The following COL28A1 variants were observed in gnomAD, a reference collection of about 807,000 sequenced individuals.
The protein encoded by COL28A1 is collagen alpha-1(XXVIII) chain.
In COL28A1, 161 loss-of-function variants were observed where a neutral mutation model predicts 150.2. The ratio of observed to expected loss-of-function variants is 1.07; its 90% confidence interval spans 0.94 to 1.22. COL28A1 has a LOEUF of 1.22. Ranked by LOEUF, COL28A1 falls within the 50% of genes most tolerant of loss-of-function variation. The pLI, the probability that COL28A1 is intolerant of heterozygous loss-of-function variation, is 0.00. For missense variants in COL28A1, 1,617 were observed against 1,388.3 expected (o/e 1.16, Z -2.62); for synonymous variants, 552 against 469.7 (o/e 1.18, Z -2.26).
intron 25 of COL28A1, among the ~76,000 whole-genome samples, chr7:7,420,851 G>A (rs1486971611): frequency 6.7e-6 from 1 of 149,622 alleles, no homozygotes; most frequent in Non-Finnish European, 1.5e-5. Context: ...AGTCTGCACA[G>A]CTATTAAGGT....
chr7:7,509,713 G>C (rs1781018690), intron 9 of COL28A1, among the ~76,000 whole-genome samples: 1 of 152,022 alleles, frequency 6.6e-6, no homozygotes, highest in Admixed American at 6.6e-5. Context: ...CTTAGTCAAT[G>C]AAATATGATA....
At chr7:7,481,685 C>T (rs17168154) in intron 13 of COL28A1, among the ~76,000 whole-genome samples, 5,800 of 152,188 alleles carry the variant, frequency 0.038, 402 homozygotes, top group African/African-American at 0.13. Context: ...AGATGAAATA[C>T]GATTGTCCAT....
At chr7:7,366,669 T>G (rs1290126315) in intron 33 of COL28A1, among the ~76,000 whole-genome samples, 1 of 151,930 alleles carries the variant, frequency 6.6e-6, no homozygotes, top group Non-Finnish European at 1.5e-5. Context: ...TAAGAACATA[T>G]TTTGGTAGAA....
intron 13 of COL28A1, among the ~76,000 whole-genome samples, chr7:7,482,566 A>G (rs1259759108): frequency 6.6e-6 from 1 of 151,428 alleles, no homozygotes; most frequent in Non-Finnish European, 1.5e-5. Context: ...ATTTTTTTAT[A>G]ATGACATTTT....
intron 27 of COL28A1, among the ~76,000 whole-genome samples, chr7:7,404,446 A>G (rs1783388271): frequency 6.6e-6 from 1 of 151,928 alleles, no homozygotes; most frequent in Admixed American, 6.6e-5. Context: ...GCCCACCCCA[A>G]ATTCACTGCT....
rs113646463 is a variant in COL28A1, at chr7:7,451,867, T to G, written c.1509+452A>C. ...CTTCTTAGACCTACATCTTATATAT[T>G]CTTCTAATACTCAAATGCTCGTAAG... On this transcript the variant is annotated intron_variant, in intron 18 of 34. Transcript: ENST00000399429. 2.8e-3 allele frequency among the ~76,000 whole-genome samples: 429 copies of G among 152,278 alleles called. 1 individual carries two copies. Among genetic ancestry groups the G allele is most frequent in the African/African-American group, 9.8e-3 (408 of 41,566 alleles).
At chr7:7,349,987 AAT>A in the COL28A1 span, among the ~76,000 whole-genome samples, 8 of 152,172 alleles carry the variant, frequency 5.3e-5, no homozygotes, top group Non-Finnish European at 7.3e-5. Context: ...ATAACCTGGA[AAT>A]ATAAGTGACA....
chr7:7,379,652 G>A (rs1381835068), intron 30 of COL28A1, among the ~76,000 whole-genome samples: 1 of 152,168 alleles, frequency 6.6e-6, no homozygotes, highest in Non-Finnish European at 1.5e-5. Context: ...ATAAAGGTTG[G>A]TGAAATGAAT....
intron 27 of COL28A1, among the ~76,000 whole-genome samples, chr7:7,417,043 G>A (rs1032846607): frequency 2.0e-5 from 3 of 151,902 alleles, no homozygotes; most frequent in South Asian, 2.1e-4. Flanking sequence ...AGCTTATGAC[G>A]GGGGCAGCAG....
intron 26 of COL28A1, among the ~76,000 whole-genome samples, chr7:7,419,401 C>A (rs551518650): frequency 6.6e-6 from 1 of 152,224 alleles, no homozygotes; most frequent in South Asian, 2.1e-4. Context: ...GATGAATAAC[C>A]ACCAAACTGA....
Position 7,460,573 on chromosome 7 carries a change from A to G in COL28A1, c.1303-4461T>C, listed in dbSNP as rs185995025. Among the ~76,000 whole-genome samples the G allele has an allele frequency of 4.7e-3, 707 of 151,956 alleles. 5 individuals carry two copies. The highest frequency in any genetic ancestry group is 0.022 in the East Asian group (115 of 5,170). On this transcript the variant is annotated intron_variant, in intron 15 of 34. Coordinates refer to ENST00000399429, the MANE Select transcript of COL28A1 (RefSeq NM_001037763.3). ...TAATTTTTGTATTGTTAGTAGAGAC[A>G]AGGTTTCACCGTGTTAGCCAGGATG...
At chr7:7,429,486 GGT>G (rs1298191074) in intron 25 of COL28A1, among the ~76,000 whole-genome samples, 1 of 149,970 alleles carries the variant, frequency 6.7e-6, no homozygotes, top group Non-Finnish European at 1.5e-5. Context: ...GGGGGGGGAT[GGT>G]GTGTGTGTAT....
At chr7:7,384,173 G>A (rs962890666) in intron 27 of COL28A1, among the ~76,000 whole-genome samples, 3 of 152,162 alleles carry the variant, frequency 2.0e-5, no homozygotes, top group Non-Finnish European at 2.9e-5. Flanking sequence ...TTAATTCACT[G>A]AATGTCTTTT....
chr7:7,423,461 T>A (rs550266666), intron 25 of COL28A1, among the ~76,000 whole-genome samples: 20 of 152,290 alleles, frequency 1.3e-4, no homozygotes, highest in Middle Eastern at 3.4e-3. Flanking sequence ...TTAAAGATAT[T>A]AAAACTGGGC....
intron 27 of COL28A1, among the ~76,000 whole-genome samples, chr7:7,411,831 G>T (rs890321970): frequency 1.3e-5 from 2 of 152,142 alleles, no homozygotes; most frequent in African/African-American, 4.8e-5. Context: ...TAAAATAAAT[G>T]ACGGGCTAAA....
chr7:7,443,226 T>A (rs1462898509), intron 20 of COL28A1, among the ~76,000 whole-genome samples: 1 of 152,156 alleles, frequency 6.6e-6, no homozygotes, highest in East Asian at 1.9e-4. Flanking sequence ...TTCAATAAAG[T>A]GATATTTCTT....
At chr7:7,440,970 G>C in intron 20 of COL28A1, 109 bp from the exon 21 acceptor site, 1 of 635,824 alleles carries the variant, frequency 1.6e-6, no homozygotes. Flanking sequence ...CAATTTTAAA[G>C]TGGTGTGCCC....
intron 11 of COL28A1, among the ~76,000 whole-genome samples, chr7:7,501,348 A>G (rs1391579842): frequency 6.6e-6 from 1 of 152,190 alleles, no homozygotes. Flanking sequence ...CTTGGGAAAA[A>G]ACATGAGGGA....
At chr7:7,532,301 T>C (rs908472170) in intron 2 of COL28A1, among the ~76,000 whole-genome samples, 1 of 152,132 alleles carries the variant, frequency 6.6e-6, no homozygotes, top group Non-Finnish European at 1.5e-5. Context: ...TCCCTATTTT[T>C]TTTTAAACTT....
Sources: allele counts gnomAD v4.1 joint callset (sites outside exome capture counted in the v4.1 genomes callset), GRCh38; gene constraint gnomAD v4.1.1; transcripts MANE v1.5; gene names NCBI Gene and HGNC (gene_info 2026-07-23, HGNC 2026-07-21).